The following SYN2 variants were observed in gnomAD, a reference collection of about 807,000 sequenced individuals.
The protein encoded by SYN2 is synapsin-2.
SYN2 carries 19 observed loss-of-function variants against 50.9 expected under a neutral mutation model. That is an observed-to-expected ratio of 0.37 (90% CI 0.26 to 0.55). The LOEUF (loss-of-function observed/expected upper bound fraction) is 0.55. Ranked by LOEUF, SYN2 falls within the 20% of genes least tolerant of loss-of-function variation. The probability of loss-of-function intolerance (pLI) is 0.81; values close to 1 mark genes in which losing one functional copy is unlikely to be tolerated. For synonymous variants in SYN2, 255 were observed against 224.9 expected, an observed-to-expected ratio of 1.13 and a Z score of -1.20; for missense variants, 587 against 576.4, an observed-to-expected ratio of 1.02 and a Z score of -0.19.
At chr3:12,064,348 A>G (rs1277887699) in intron 1 of SYN2, among the ~76,000 whole-genome samples, 1 of 151,630 alleles carries the variant, frequency 6.6e-6, no homozygotes, top group Admixed American at 6.6e-5. Flanking sequence ...TTAGAAACTA[A>G]GGAAATCTAC....
At chr3:12,082,129 A>T (rs1186645966) in intron 1 of SYN2, among the ~76,000 whole-genome samples, 1 of 152,184 alleles carries the variant, frequency 6.6e-6, no homozygotes, top group African/African-American at 2.4e-5. Flanking sequence ...GAAAATGAGC[A>T]TTGGGCAAAG....
intron 1 of SYN2, among the ~76,000 whole-genome samples, chr3:12,039,549 A>ATTTTTTTT (rs60746238): frequency 5.9e-5 from 7 of 117,990 alleles, no homozygotes; most frequent in African/African-American, 1.3e-4. Flanking sequence ...AGAAGCAAAG[A>ATTTTTTTT]TTTTTTTTTT....
At chr3:12,120,003 AT>A (rs1367278579) in intron 1 of SYN2, among the ~76,000 whole-genome samples, 1 of 152,068 alleles carries the variant, frequency 6.6e-6, no homozygotes, top group Admixed American at 6.6e-5. Flanking sequence ...AAACATCTGA[AT>A]TTTTTTTCTA....
chr3:12,086,323 T>C (rs771865312), intron 1 of SYN2, among the ~76,000 whole-genome samples: 2 of 152,086 alleles, frequency 1.3e-5, no homozygotes, highest in Non-Finnish European at 2.9e-5. Context: ...CTCAAACTCT[T>C]CCAAAAAATG....
chr3:12,014,259 A>G (rs1362066415), intron 1 of SYN2, among the ~76,000 whole-genome samples: 2 of 152,180 alleles, frequency 1.3e-5, no homozygotes, highest in East Asian at 1.9e-4. Flanking sequence ...AATCTTTGCC[A>G]TATTGAATTG....
At chr3:12,099,224 A>G (rs1696014220) in intron 1 of SYN2, among the ~76,000 whole-genome samples, 1 of 152,210 alleles carries the variant, frequency 6.6e-6, no homozygotes, top group African/African-American at 2.4e-5. Context: ...GACCTAAGAA[A>G]TATCTATAGA....
At chr3:12,162,752 A>G (rs183490122) in intron 7 of SYN2, among the ~76,000 whole-genome samples, 21 of 152,318 alleles carry the variant, frequency 1.4e-4, no homozygotes, top group African/African-American at 5.1e-4. Context: ...CAGCACTGAA[A>G]AATGCTACAG....
At chr3:12,053,276 C>A (rs564177619) in intron 1 of SYN2, among the ~76,000 whole-genome samples, 1 of 152,022 alleles carries the variant, frequency 6.6e-6, no homozygotes, top group Admixed American at 6.6e-5. Context: ...CAAAAATTAG[C>A]CAGGCATGGT....
At chr3:12,112,215 T>C (rs915465372) in intron 1 of SYN2, among the ~76,000 whole-genome samples, 3 of 152,200 alleles carry the variant, frequency 2.0e-5, no homozygotes, top group African/African-American at 7.2e-5. Flanking sequence ...TAAAATATCA[T>C]GCTACAGTTT....
chr3:12,079,842 C>T (rs1695550122), intron 1 of SYN2, among the ~76,000 whole-genome samples: 1 of 152,038 alleles, frequency 6.6e-6, no homozygotes, highest in Admixed American at 6.6e-5. Flanking sequence ...AGAGTCCCTC[C>T]TTTTCAATTG....
rs557489217 is a variant in SYN2, at chr3:12,018,643, G to C, written c.377+13715G>C. Among the ~76,000 whole-genome samples, 373 of 152,244 alleles carry C rather than the reference G, an allele frequency of 2.5e-3. 1 individual carries two copies. Among genetic ancestry groups the C allele is most frequent in the African/African-American group, 8.5e-3 (352 of 41,544 alleles). ...AGCGCCATGAAGAGTAGTGATGGGA[G>C]GATTGAGACTAGTTTAATTCATGCC... On this transcript the variant is annotated intron_variant, in intron 1 of 12. Coordinates refer to ENST00000621198, the MANE Select transcript of SYN2 (RefSeq NM_133625.6).
intron 1 of SYN2, among the ~76,000 whole-genome samples, chr3:12,022,190 A>C (rs1477058148): frequency 6.6e-6 from 1 of 151,992 alleles, no homozygotes; most frequent in African/African-American, 2.4e-5. Context: ...GCCATGCTTT[A>C]TTCTTTGCCT....
chr3:12,021,701 C>G (rs1051970387), intron 1 of SYN2, among the ~76,000 whole-genome samples: 1 of 152,164 alleles, frequency 6.6e-6, no homozygotes, highest in African/African-American at 2.4e-5. Flanking sequence ...GAATGGGTAG[C>G]AGCAGCTAGA....
chr3:12,095,983 C>T (rs1043757033), intron 1 of SYN2, among the ~76,000 whole-genome samples: 2 of 152,144 alleles, frequency 1.3e-5, no homozygotes, highest in African/African-American at 4.8e-5. Context: ...CTCCTTCAAA[C>T]TCATCTCCTT....
At chr3:12,045,042 T>C (rs1447831424) in intron 1 of SYN2, among the ~76,000 whole-genome samples, 2 of 152,124 alleles carry the variant, frequency 1.3e-5, no homozygotes, top group African/African-American at 4.8e-5. Context: ...GAAAATCTGA[T>C]TATATGCCTT....
At chr3:12,129,868 T>G (rs893285722) in intron 1 of SYN2, among the ~76,000 whole-genome samples, 1 of 151,964 alleles carries the variant, frequency 6.6e-6, no homozygotes, top group Non-Finnish European at 1.5e-5. Context: ...GGTGGGGCCT[T>G]TGGGAGGTGA....
intron 5 of SYN2, 84 bp from the exon 6 acceptor site, chr3:12,161,462 G>T: frequency 6.7e-7 from 1 of 1,494,002 alleles, no homozygotes; most frequent in Non-Finnish European, 9.2e-7. Flanking sequence ...CCCTCCCAAG[G>T]GTATTCCCAA....
Position 12,178,607 on chromosome 3 carries a change from A to T in SYN2, c.1309-4705A>T, listed in dbSNP as rs189662476. On this transcript the variant is annotated intron_variant, in intron 10 of 12. Coordinates refer to ENST00000621198, the MANE Select transcript of SYN2 (RefSeq NM_133625.6). ...TATAACCCAGACCAGAATTCCCTGC[A>T]CATGAAACTGCTATGCATCAGGTGA... 7.9e-5 allele frequency among the ~76,000 whole-genome samples: 12 copies of T among 152,378 alleles called. No homozygotes were observed. In the East Asian group the frequency reaches 1.9e-3, roughly 24 times the overall value.
rs1033575356 is a variant in SYN2 at position 12,191,613 on chromosome 3, T to C, written c.*988T>C. 2.0e-5 allele frequency among the ~76,000 whole-genome samples: 3 copies of C among 152,166 alleles called. No homozygotes were observed. In the East Asian group the frequency reaches 5.8e-4, roughly 29 times the overall value. ...ATGTGTCTGTCCTTTACATACCACT[T>C]CTGGGCCTCCTCGCACCTCCCCAGT... On this transcript the variant is annotated 3_prime_UTR_variant, in exon 13 of 13. Transcript: ENST00000621198.
Sources: allele counts gnomAD v4.1 joint callset (sites outside exome capture counted in the v4.1 genomes callset), GRCh38; gene constraint gnomAD v4.1.1; transcripts MANE v1.5; gene names NCBI Gene and HGNC (gene_info 2026-07-23, HGNC 2026-07-21).